ASB15: variants seen among roughly 807,000 people sequenced by gnomAD.
ASB15 encodes the protein ankyrin repeat and SOCS box containing 15.
ASB15 carries 54 observed loss-of-function variants against 58.0 expected under a neutral mutation model. The observed-to-expected ratio is 0.93, with a 90% confidence interval of 0.75 to 1.17. ASB15 has a LOEUF of 1.17. Among genes scored for constraint, ASB15 ranks in the 50% most tolerant of loss-of-function variants. The probability of loss-of-function intolerance (pLI) is 0.00; values close to 1 mark genes in which losing one functional copy is unlikely to be tolerated. For missense variants in ASB15, 680 were observed against 707.4 expected (o/e 0.96, Z 0.44); for synonymous variants, 249 against 262.4 (o/e 0.95, Z 0.50).
intron 1 of ASB15, among the ~76,000 whole-genome samples, chr7:123,570,787 C>A (rs1798889117): frequency 6.6e-6 from 1 of 152,162 alleles, no homozygotes. Context: ...TCTTGAGCCC[C>A]ATCCATTTCC....
At chr7:123,630,746 A>T (rs1356491912) in intron 11 of ASB15, among the ~76,000 whole-genome samples, 1 of 152,242 alleles carries the variant, frequency 6.6e-6, no homozygotes, top group Non-Finnish European at 1.5e-5. Context: ...TCACTTTCAA[A>T]ATATAAGTTT....
Position 123,639,129 on chromosome 7 carries a change from G to T in ASB15, c.*2148G>T, listed in dbSNP as rs190085882. On this transcript the variant is annotated 3_prime_UTR_variant, in exon 12 of 12. Transcript: ENST00000451215. The stretch of plus-strand genomic sequence containing the variant: ...TTTTTCTTATATTTATTTTTACCTT[G>T]TTACCGTATTCTTTAAACAGTAATA... 362 of 151,824 alleles carry T rather than the reference G, an allele frequency of 2.4e-3. 2 individuals are homozygous for T. The highest frequency in any genetic ancestry group is 4.2e-3 in the Non-Finnish European group (286 of 67,926). 9.4% of individuals were successfully genotyped at this position (151,824 alleles called of 1,614,324 possible). A position where few individuals can be genotyped will look rare whatever the true frequency, so the allele number is the denominator to read the frequency against.
intron 1 of ASB15, among the ~76,000 whole-genome samples, chr7:123,576,506 C>T (rs1799069659): frequency 6.6e-6 from 1 of 151,892 alleles, no homozygotes; most frequent in African/African-American, 2.4e-5. Context: ...ATGTTTATTT[C>T]TCACTTTAAA....
Position 123,614,485 on chromosome 7 carries a change from T to G in ASB15, c.-2-16T>G. Reference sequence around the variant, plus strand: ...TCTTGATAATAAGAACTTGTCTCGTTCAAAATTATATGCAGGAATGGATAC... The same window carrying G: ...TCTTGATAATAAGAACTTGTCTCGTGCAAAATTATATGCAGGAATGGATAC... On this transcript the variant is annotated splice_polypyrimidine_tract_variant and intron_variant, in intron 3 of 11. Coordinates refer to ENST00000451215, the MANE Select transcript of ASB15 (RefSeq NM_001290258.2). 7 of 1,503,500 alleles carry G rather than the reference T, an allele frequency of 4.7e-6. No homozygotes were observed. The highest frequency in any genetic ancestry group is 6.5e-6 in the Non-Finnish European group (7 of 1,083,582). 93.1% of individuals were successfully genotyped at this position (1,503,500 alleles called of 1,614,324 possible). A position where few individuals can be genotyped will look rare whatever the true frequency, so the allele number is the denominator to read the frequency against.
intron 4 of ASB15, chr7:123,615,277 C>T (rs1800729324): frequency 6.6e-6 from 1 of 152,066 alleles, no homozygotes; most frequent in South Asian, 2.1e-4. Flanking sequence ...TAAAAAAACA[C>T]ATTATACGTC....
intron 11 of ASB15, 37 bp from the exon 12 acceptor site, chr7:123,636,772 A>T (rs1208656996): frequency 1.3e-6 from 2 of 1,547,998 alleles, no homozygotes; most frequent in Admixed American, 1.8e-5. Flanking sequence ...TCCACTATTT[A>T]AAAAATTTTT....
chr7:123,609,091 C>A (rs530969245), intron 3 of ASB15: 1 of 152,186 alleles, frequency 6.6e-6, no homozygotes, highest in Admixed American at 6.5e-5. Flanking sequence ...ATCATTGCAG[C>A]TTCAAGGTAA....
intron 1 of ASB15, among the ~76,000 whole-genome samples, chr7:123,580,388 T>C (rs1562909776): frequency 1.3e-5 from 2 of 152,004 alleles, no homozygotes; most frequent in African/African-American, 2.4e-5. Context: ...ACAATCAAAC[T>C]TGCTAGGCAC....
chr7:123,569,150 T>C (rs1280822014), intron 1 of ASB15, among the ~76,000 whole-genome samples: 2 of 152,190 alleles, frequency 1.3e-5, no homozygotes, highest in African/African-American at 4.8e-5. Context: ...GTCAGTAAAC[T>C]AGACTGGCCG....
chr7:123,603,266 G>A (rs9649464), intron 1 of ASB15, among the ~76,000 whole-genome samples: 85,899 of 151,878 alleles, frequency 0.57, 24,329 homozygotes, highest in East Asian at 0.68. Context: ...CACAACAGAC[G>A]TTGAATGTAT....
upstream of ASB15, among the ~76,000 whole-genome samples, chr7:123,601,470 A>T (rs1799878311): frequency 6.6e-6 from 1 of 152,228 alleles, no homozygotes; most frequent in African/African-American, 2.4e-5. Context: ...AAAGAAAAAT[A>T]GTGTGTATTA....
At chr7:123,611,848 C>T (rs1271526670) in intron 3 of ASB15, among the ~76,000 whole-genome samples, 1 of 152,038 alleles carries the variant, frequency 6.6e-6, no homozygotes, top group East Asian at 1.9e-4. Context: ...CAGGAAAAGG[C>T]TGGAGACACC....
intron 1 of ASB15, among the ~76,000 whole-genome samples, chr7:123,568,239 G>A (rs979821142): frequency 1.3e-5 from 2 of 152,134 alleles, no homozygotes; most frequent in African/African-American, 2.4e-5. Flanking sequence ...CTGGCTGGGC[G>A]CGGTGGCTCA....
chr7:123,615,120 A>G (rs1800717428), intron 4 of ASB15, among the ~76,000 whole-genome samples: 1 of 152,150 alleles, frequency 6.6e-6, no homozygotes, highest in Non-Finnish European at 1.5e-5. Flanking sequence ...CTTTTATTCT[A>G]TATGGCAAAG....
intron 1 of ASB15, among the ~76,000 whole-genome samples, chr7:123,591,282 AC>A (rs1169555435): frequency 6.6e-6 from 1 of 152,100 alleles, no homozygotes; most frequent in Non-Finnish European, 1.5e-5. Context: ...CTGATTGAAT[AC>A]CCTATATTTC....
intron 1 of ASB15, among the ~76,000 whole-genome samples, chr7:123,593,696 T>C (rs545664761): frequency 6.5e-4 from 99 of 152,338 alleles, no homozygotes; most frequent in Admixed American, 2.8e-3. Flanking sequence ...CCTTTCTCTC[T>C]GGCTGCCCTT....
intron 3 of ASB15, 172 bp from the exon 4 acceptor site, chr7:123,614,329 A>G: frequency 5.5e-6 from 3 of 541,702 alleles, no homozygotes; most frequent in Non-Finnish European, 6.4e-6. Context: ...AAGTTAATAA[A>G]ATGGACCTCA....
At chr7:123,571,298 G>A (rs952345515) in intron 1 of ASB15, among the ~76,000 whole-genome samples, 1 of 152,080 alleles carries the variant, frequency 6.6e-6, no homozygotes, top group African/African-American at 2.4e-5. Context: ...CTTCATTTTC[G>A]TTGTACTGTG....
chr7:123,588,199 A>C (rs1045963816), intron 1 of ASB15, among the ~76,000 whole-genome samples: 1 of 151,612 alleles, frequency 6.6e-6, no homozygotes, highest in African/African-American at 2.4e-5. Flanking sequence ...TTACTGATTT[A>C]ATTTCCTTTC....
Sources: gnomAD v4.1 joint callset for allele counts (sites outside exome capture counted in the v4.1 genomes callset) on GRCh38, gnomAD v4.1.1 for gene constraint, MANE v1.5 for transcripts, NCBI Gene and HGNC (gene_info 2026-07-23, HGNC 2026-07-21) for gene names.